NEK11: variants seen among roughly 807,000 people sequenced by gnomAD.
NEK11 encodes the protein NIMA related kinase 11, also known as serine/threonine-protein kinase Nek11.
Under a neutral mutation model 80.7 loss-of-function variants are expected in NEK11, and 72 were observed. That is an observed-to-expected ratio of 0.89 (90% CI 0.74 to 1.08). The LOEUF (loss-of-function observed/expected upper bound fraction) is 1.08, where lower values mean the gene tolerates loss of function less well. NEK11 is among the 50% of genes least tolerant of loss of function. NEK11 has a pLI of 0.00. For missense variants in NEK11, 764 were observed against 763.6 expected, an observed-to-expected ratio of 1.00 and a Z score of -0.01; for synonymous variants, 251 against 260.7, an observed-to-expected ratio of 0.96 and a Z score of 0.36.
intron 7 of NEK11, among the ~76,000 whole-genome samples, chr3:131,151,760 T>G (rs1374005202): frequency 2.0e-5 from 3 of 152,072 alleles, no homozygotes; most frequent in Non-Finnish European, 4.4e-5. Flanking sequence ...TAGAGGTTAT[T>G]GATTTGCATG....
chr3:131,060,154 C>A (rs1229468086), intron 3 of NEK11, among the ~76,000 whole-genome samples: 1 of 152,118 alleles, frequency 6.6e-6, no homozygotes, highest in African/African-American at 2.4e-5. Flanking sequence ...GTTAAAGTGT[C>A]CCCTGTTAAA....
In NEK11 at chr3:131,207,715, A is replaced by G. The variant is rs138827271; in HGVS notation, c.1400-20813A>G. 4.6e-3 allele frequency among the ~76,000 whole-genome samples: 702 copies of G among 152,316 alleles called. 5 individuals carry two copies. Among genetic ancestry groups the G allele is most frequent in the African/African-American group, 0.015 (640 of 41,560 alleles). On this transcript the variant is annotated intron_variant, in intron 14 of 17. Coordinates refer to ENST00000383366, the MANE Select transcript of NEK11 (RefSeq NM_024800.5). The stretch of plus-strand genomic sequence containing the variant: ...TTTGATTTGCATTTCTCTGATGGCC[A>G]GTGATGATGAGCATTTTTTCATGTG...
intron 17 of NEK11, among the ~76,000 whole-genome samples, chr3:131,336,587 G>C (rs369249034): frequency 0.15 from 23,100 of 152,088 alleles, 1,917 homozygotes; most frequent in South Asian, 0.23. Flanking sequence ...AACACCAAAA[G>C]CAATGGCAAC....
At chr3:131,323,121 G>A (rs940943639) in intron 17 of NEK11, among the ~76,000 whole-genome samples, 14 of 152,122 alleles carry the variant, frequency 9.2e-5, no homozygotes, top group African/African-American at 3.1e-4. Flanking sequence ...TTTCAAATAC[G>A]TGGAAGTAGC....
At chr3:131,155,361 C>G (rs939379473) in intron 10 of NEK11, among the ~76,000 whole-genome samples, 1 of 152,186 alleles carries the variant, frequency 6.6e-6, no homozygotes, top group Admixed American at 6.5e-5. Flanking sequence ...CAGGGTAGCT[C>G]TGCAGTTGCC....
chr3:131,138,735 C>T (rs192589509), intron 7 of NEK11, among the ~76,000 whole-genome samples: 5 of 152,244 alleles, frequency 3.3e-5, no homozygotes, highest in Admixed American at 1.3e-4. Flanking sequence ...AGAGTCTTTG[C>T]CTTGTAATCC....
At chr3:131,185,986 C>A (rs2093584767) in intron 14 of NEK11, among the ~76,000 whole-genome samples, 1 of 152,070 alleles carries the variant, frequency 6.6e-6, no homozygotes. Flanking sequence ...AATAATCACA[C>A]CCATTTTGCA....
intron 17 of NEK11, among the ~76,000 whole-genome samples, chr3:131,285,901 G>A (rs1421983311): frequency 6.6e-6 from 1 of 152,134 alleles, no homozygotes; most frequent in Admixed American, 6.5e-5. Flanking sequence ...TGGATTTTAG[G>A]ACCTGAACAA....
Position 131,162,461 on chromosome 3 carries a change from T to A in NEK11, c.1016T>A (p.Met339Lys), listed in dbSNP as rs61749493. 6 of 1,613,918 alleles carry A rather than the reference T, an allele frequency of 3.7e-6. No homozygotes were observed. Among genetic ancestry groups the A allele is most frequent in the Non-Finnish European group, 2.5e-6 (3 of 1,179,968 alleles). The change falls in exon 11 of 18, where the codon ATG becomes AAG. Residue 339 changes from methionine to lysine, a missense_variant. Transcript: ENST00000383366. ...AGGGCACTGTCAGAAGTACAGAAAA[T>A]GACGCCAAGAGAAAGGATGCGGCTG... ...TLRALSEVQKMTPRERMRLRK... is the reference protein window; with the variant it reads ...TLRALSEVQKKTPRERMRLRK...
intron 10 of NEK11, 22 bp from the exon 11 acceptor site, chr3:131,162,386 G>C (rs1418921820): frequency 6.2e-7 from 1 of 1,610,220 alleles, no homozygotes; most frequent in Non-Finnish European, 8.5e-7. Flanking sequence ...GGCTATATGA[G>C]GGGAATCTTT....
At chr3:131,222,512 CTA>C in intron 14 of NEK11, among the ~76,000 whole-genome samples, 1 of 152,274 alleles carries the variant, frequency 6.6e-6, no homozygotes, top group Admixed American at 6.5e-5. Context: ...ACTTATACCT[CTA>C]TGGAGATTTT....
chr3:131,273,395 C>T (rs2096235670), intron 16 of NEK11, 83 bp from the exon 17 acceptor site: 8 of 990,150 alleles, frequency 8.1e-6, no homozygotes, highest in South Asian at 6.9e-5. Context: ...GGATTAGCTT[C>T]TGTTTTCTGA....
At chr3:131,174,158 A>G (rs1223039690) in intron 14 of NEK11, among the ~76,000 whole-genome samples, 3 of 152,194 alleles carry the variant, frequency 2.0e-5, no homozygotes, top group Non-Finnish European at 4.4e-5. Context: ...GAATAGTGCT[A>G]TAATGAACCT....
chr3:131,110,012 AAAC>A, intron 5 of NEK11, 91 bp downstream of exon 5: 1 of 1,361,826 alleles, frequency 7.3e-7, no homozygotes, highest in Non-Finnish European at 1.0e-6. Flanking sequence ...AATTGAAAGA[AAAC>A]AAGTTCAAAA....
chr3:131,081,541 C>T (rs1489585024), intron 4 of NEK11, among the ~76,000 whole-genome samples: 1 of 152,100 alleles, frequency 6.6e-6, no homozygotes, highest in Non-Finnish European at 1.5e-5. Context: ...ACTCCTGAGA[C>T]ATTATGGAGA....
chr3:131,082,701 A>G (rs975011227), intron 4 of NEK11, among the ~76,000 whole-genome samples: 3 of 152,194 alleles, frequency 2.0e-5, no homozygotes, highest in Non-Finnish European at 2.9e-5. Context: ...TAATTGAAAA[A>G]ATTTATAATT....
chr3:131,247,612 T>G (rs930436548), intron 16 of NEK11, among the ~76,000 whole-genome samples: 2 of 152,064 alleles, frequency 1.3e-5, no homozygotes, highest in African/African-American at 2.4e-5. Flanking sequence ...TGCAGGCTCT[T>G]TTTTGGTTTC....
intron 4 of NEK11, among the ~76,000 whole-genome samples, chr3:131,108,992 C>T (rs373448926): frequency 1.3e-4 from 20 of 151,810 alleles, no homozygotes; most frequent in South Asian, 4.2e-4. Flanking sequence ...TTTTATTGGC[C>T]GACCTTTTTA....
intron 4 of NEK11, chr3:131,109,446 C>T (rs1165660937): frequency 1.9e-5 from 3 of 160,360 alleles, no homozygotes; most frequent in Non-Finnish European, 4.1e-5. Flanking sequence ...AGAGCCCTAT[C>T]TTCAGGCATT....
Sources: gnomAD v4.1 joint callset for allele counts (sites outside exome capture counted in the v4.1 genomes callset) on GRCh38, gnomAD v4.1.1 for gene constraint, MANE v1.5 for transcripts, NCBI Gene and HGNC (gene_info 2026-07-23, HGNC 2026-07-21) for gene names.